Variants in SOX6 observed in about 807,000 individuals in gnomAD.
SOX6 encodes SRY-box transcription factor 6.
Under a neutral mutation model 97.8 loss-of-function variants are expected in SOX6, and 11 were observed. That is an observed-to-expected ratio of 0.11 (90% CI 0.07 to 0.19). The LOEUF (loss-of-function observed/expected upper bound fraction) is 0.19. SOX6 is among the 10% of genes least tolerant of loss of function. The probability of loss-of-function intolerance (pLI) is 1.00; values close to 1 mark genes in which losing one functional copy is unlikely to be tolerated. For synonymous variants in SOX6, 360 were observed against 371.4 expected, an observed-to-expected ratio of 0.97 and a Z score of 0.35; for missense variants, 810 against 1,039.5, an observed-to-expected ratio of 0.78 and a Z score of 3.04.
intron 4 of SOX6, among the ~76,000 whole-genome samples, chr11:16,594,839 C>T (rs1007576254): frequency 1.3e-5 from 2 of 151,770 alleles, no homozygotes; most frequent in African/African-American, 2.4e-5. Flanking sequence ...TACAGGCCCC[C>T]GCCACCATGC....
At chr11:16,074,047 A>G (rs914366913) in intron 9 of SOX6, among the ~76,000 whole-genome samples, 20 of 152,138 alleles carry the variant, frequency 1.3e-4, no homozygotes, top group Admixed American at 1.1e-3. Context: ...GGAACTAGAG[A>G]AACCAAAGCA....
intron 2 of SOX6, among the ~76,000 whole-genome samples, chr11:16,333,435 A>G (rs1430625220): frequency 1.3e-5 from 2 of 152,140 alleles, no homozygotes; most frequent in African/African-American, 4.8e-5. Flanking sequence ...AGGCTAGGCA[A>G]GAAAAAATTT....
chr11:16,320,538 T>C (rs1855888705), intron 2 of SOX6, among the ~76,000 whole-genome samples: 1 of 152,122 alleles, frequency 6.6e-6, no homozygotes, highest in African/African-American at 2.4e-5. Flanking sequence ...CACCACGGCA[T>C]AGTGCTGGGC....
chr11:16,459,838 G>T (rs1859885237), intron 1 of SOX6, among the ~76,000 whole-genome samples: 1 of 152,020 alleles, frequency 6.6e-6, no homozygotes. Context: ...GCAGTGAGTT[G>T]TAGGACAACT....
At chr11:16,537,450 G>A (rs749082357) in intron 4 of SOX6, among the ~76,000 whole-genome samples, 5 of 152,132 alleles carry the variant, frequency 3.3e-5, no homozygotes, top group Non-Finnish European at 7.3e-5. Context: ...GTCAGCACTG[G>A]AACAAAACTG....
chr11:16,120,462 C>T (rs1261946276), intron 6 of SOX6, among the ~76,000 whole-genome samples: 1 of 151,630 alleles, frequency 6.6e-6, no homozygotes, highest in Non-Finnish European at 1.5e-5. Context: ...GTAGAACGAA[C>T]TCAAGATGTT....
Position 16,613,420 on chromosome 11 carries a change from C to T in SOX6, n.430-1160G>A, listed in dbSNP as rs10832651. Among the ~76,000 whole-genome samples the T allele has an allele frequency of 1.3e-5, 2 of 151,930 alleles. No homozygotes were observed. The highest frequency in any genetic ancestry group is 2.9e-5 in the Non-Finnish European group (2 of 67,924). ...TTAGCAAATCTTCTACCGCTGGCGGCGGCAACCAGAGCCTCTGTCTTGCCA... is the reference window on the plus strand; with the variant it reads ...TTAGCAAATCTTCTACCGCTGGCGGTGGCAACCAGAGCCTCTGTCTTGCCA... On this transcript the variant is annotated intron_variant and non_coding_transcript_variant, in intron 3 of 5. Coordinates refer to the SOX6 transcript ENST00000524520. This position sits in a 1 kb window ranked among gnomAD's most constrained non-coding sequence, Gnocchi z 4.6.
chr11:16,278,549 A>G (rs1490178543), intron 3 of SOX6, among the ~76,000 whole-genome samples: 3 of 152,268 alleles, frequency 2.0e-5, no homozygotes, highest in African/African-American at 4.8e-5. Context: ...ACCTGCAAAT[A>G]GATGGTGACT....
At chr11:16,099,033 T>C (rs1245370670) in intron 7 of SOX6, among the ~76,000 whole-genome samples, 1 of 151,764 alleles carries the variant, frequency 6.6e-6, no homozygotes, top group Non-Finnish European at 1.5e-5. Context: ...CTTTGCATCA[T>C]ATCCATAATA....
intron 4 of SOX6, chr11:16,484,045 C>T (rs1860390950): frequency 1.5e-5 from 12 of 787,512 alleles, no homozygotes; most frequent in Admixed American, 3.4e-5. Context: ...TCGGGAGAGC[C>T]GAGGGGGCTG....
intron 3 of SOX6, among the ~76,000 whole-genome samples, chr11:16,615,514 C>G (rs924102846): frequency 1.3e-5 from 2 of 152,074 alleles, no homozygotes; most frequent in Non-Finnish European, 2.9e-5. Context: ...TATTTTTAAT[C>G]AAAAATTCTA....
intron 2 of SOX6, among the ~76,000 whole-genome samples, chr11:16,335,532 T>C (rs1856431852): frequency 6.6e-6 from 1 of 152,126 alleles, no homozygotes; most frequent in Non-Finnish European, 1.5e-5. Context: ...GGGAAATAAA[T>C]TTCATTTTGG....
intron 6 of SOX6, among the ~76,000 whole-genome samples, chr11:16,181,080 C>CAAATTGGGGGGAAA (rs1851334215): frequency 1.3e-5 from 2 of 151,272 alleles, no homozygotes; most frequent in African/African-American, 2.4e-5. Flanking sequence ...TTAAAGCTTG[C>CAAATTGGGGGGAAA]AAATTGGGGG....
intron 13 of SOX6, among the ~76,000 whole-genome samples, chr11:16,003,377 G>A (rs2119918831): frequency 6.6e-6 from 1 of 152,152 alleles, no homozygotes; most frequent in African/African-American, 2.4e-5. Flanking sequence ...TTTATCCCAT[G>A]AAAGTCTTAC....
chr11:16,276,026 T>C (rs1421529212), intron 3 of SOX6, among the ~76,000 whole-genome samples: 1 of 152,198 alleles, frequency 6.6e-6, no homozygotes, highest in Non-Finnish European at 1.5e-5. Flanking sequence ...ACTTTAAATA[T>C]ATGAATTGCA....
At chr11:16,021,281 A>G (rs1855051994) in intron 12 of SOX6, among the ~76,000 whole-genome samples, 1 of 152,154 alleles carries the variant, frequency 6.6e-6, no homozygotes, top group Non-Finnish European at 1.5e-5. Context: ...CAATGCTAAG[A>G]GATATTCTGT....
intron 5 of SOX6, among the ~76,000 whole-genome samples, chr11:16,185,378 G>T (rs1346472579): frequency 6.6e-6 from 1 of 152,128 alleles, no homozygotes; most frequent in African/African-American, 2.4e-5. Flanking sequence ...TTTCTTCTTA[G>T]CAAACCAGTG....
intron 1 of SOX6, among the ~76,000 whole-genome samples, chr11:16,349,728 GA>G (rs1856880700): frequency 3.8e-5 from 5 of 130,076 alleles, no homozygotes; most frequent in African/African-American, 1.5e-4. Flanking sequence ...AGGAAGGAAG[GA>G]AGGAAGGAAG....
At chr11:16,050,589 CA>C (rs1189485075) in intron 10 of SOX6, among the ~76,000 whole-genome samples, 2 of 152,104 alleles carry the variant, frequency 1.3e-5, no homozygotes, top group African/African-American at 4.8e-5. Flanking sequence ...ATGCTATATG[CA>C]ATTTATTTTT....
Sources: gnomAD v4.1 joint callset for allele counts (sites outside exome capture counted in the v4.1 genomes callset) on GRCh38, gnomAD v4.1.1 for gene constraint, Gnocchi (gnomAD v3.1) non-coding constraint, MANE v1.5 for transcripts, NCBI Gene and HGNC (gene_info 2026-07-23, HGNC 2026-07-21) for gene names.